The following ZDHHC17 variants were observed in gnomAD, a reference collection of about 807,000 sequenced individuals.
ZDHHC17 encodes palmitoyltransferase ZDHHC17.
ZDHHC17 carries 40 observed loss-of-function variants against 90.3 expected under a neutral mutation model. The ratio of observed to expected loss-of-function variants is 0.44; its 90% CI spans 0.34 to 0.58. The LOEUF (loss-of-function observed/expected upper bound fraction) is 0.58, where lower values mean the gene tolerates loss of function less well. ZDHHC17 is among the 20% of genes least tolerant of loss of function. The probability of loss-of-function intolerance (pLI) is 0.01; values close to 1 mark genes in which losing one functional copy is unlikely to be tolerated. For missense variants in ZDHHC17, 614 were observed against 780.8 expected (o/e 0.79, Z 2.55); for synonymous variants, 235 against 252.4 (o/e 0.93, Z 0.65).
intron 1 of ZDHHC17, among the ~76,000 whole-genome samples, chr12:76,783,305 C>T (rs530735255): frequency 6.6e-6 from 1 of 152,348 alleles, no homozygotes; most frequent in East Asian, 1.9e-4. Context: ...TTAATTGACT[C>T]ACAGTGCCAC....
At chr12:76,845,463 A>C (rs997612064) in intron 12 of ZDHHC17, 1 of 218,030 alleles carries the variant, frequency 4.6e-6, no homozygotes, top group Admixed American at 5.7e-5. Context: ...TTGTAAATTG[A>C]TGGTTCAGTT....
chr12:76,764,795 A>C, intron 1 of ZDHHC17: 1 of 457,438 alleles, frequency 2.2e-6, no homozygotes, highest in South Asian at 1.5e-5. Flanking sequence ...TTTCATGGGC[A>C]TAGTGATGTC....
chr12:76,781,536 G>C, intron 1 of ZDHHC17: 1 of 444,150 alleles, frequency 2.3e-6, no homozygotes, highest in South Asian at 1.6e-5. Flanking sequence ...TGTTACTCGA[G>C]AGTGGGTGGT....
intron 12 of ZDHHC17, among the ~76,000 whole-genome samples, chr12:76,843,563 A>G (rs983766815): frequency 2.0e-5 from 3 of 152,096 alleles, no homozygotes; most frequent in African/African-American, 7.2e-5. Context: ...TAATAGAGTC[A>G]GGTATAGCAC....
intron 1 of ZDHHC17, among the ~76,000 whole-genome samples, chr12:76,787,224 G>A (rs898919671): frequency 3.3e-5 from 5 of 152,266 alleles, no homozygotes; most frequent in African/African-American, 1.2e-4. Flanking sequence ...GGGAGGTCAA[G>A]GGGAAGAGTG....
chr12:76,847,157 G>T (rs934825461), intron 14 of ZDHHC17, among the ~76,000 whole-genome samples: 9 of 152,204 alleles, frequency 5.9e-5, no homozygotes, highest in African/African-American at 2.2e-4. Flanking sequence ...ACCTTTTTAA[G>T]AATAAGTTGT....
intron 5 of ZDHHC17, among the ~76,000 whole-genome samples, chr12:76,814,654 CT>C (rs1371541388): frequency 7.9e-5 from 12 of 151,802 alleles, no homozygotes; most frequent in Non-Finnish European, 1.6e-4. Flanking sequence ...AGGGGGATTG[CT>C]TTAGTGTGTT....
At position 76,764,175 on chromosome 12, in the gene ZDHHC17, T is replaced by TCGCCCC; in HGVS notation, c.-61_-56dup. On this transcript the variant is annotated 5_prime_UTR_variant, in exon 1 of 17. Transcript: ENST00000426126. ...GCGTCGCCTCCGGCGGGGCTCGCGC[T>TCGCCCC]CGCCCCGCGCTCGCCCTCCGCCTCG... The TCGCCCC allele has an allele frequency of 2.6e-6, 3 of 1,136,806 alleles. No individual in the cohort carries two copies. The highest frequency in any genetic ancestry group is 3.6e-6 in the Non-Finnish European group (3 of 830,396). 70.4% of individuals were successfully genotyped at this position (1,136,806 alleles called of 1,614,324 possible). A position where few individuals can be genotyped will look rare whatever the true frequency, so the allele number is the denominator to read the frequency against.
At chr12:76,848,922 C>T (rs927833954) in intron 15 of ZDHHC17, among the ~76,000 whole-genome samples, 3 of 151,770 alleles carry the variant, frequency 2.0e-5, no homozygotes, top group African/African-American at 7.3e-5. Context: ...CAAAAACAGA[C>T]TTCATTGTTT....
intron 7 of ZDHHC17, among the ~76,000 whole-genome samples, chr12:76,819,390 G>A (rs922592303): frequency 6.6e-6 from 1 of 152,070 alleles, no homozygotes; most frequent in African/African-American, 2.4e-5. Flanking sequence ...CCATTTTTAA[G>A]TCTTAAGAAA....
Position 76,769,375 on chromosome 12 carries a change from A to C in ZDHHC17, c.93+5046A>C, listed in dbSNP as rs770640878. On this transcript the variant is annotated intron_variant, in intron 1 of 16. Transcript: ENST00000426126. ...ATGCTCGGCCATGAAGCTGTTCTTT[A>C]GTGAAAAGAATTTTGCCATTTTCTA... is the stretch of plus-strand genomic sequence containing the variant. Among the ~76,000 whole-genome samples, 7 of 152,112 alleles carry C rather than the reference A, an allele frequency of 4.6e-5. No homozygotes were observed. The South Asian group carries it at 1.4e-3, about 31-fold the overall frequency.
chr12:76,839,391 G>C (rs1953405501), intron 10 of ZDHHC17, among the ~76,000 whole-genome samples: 1 of 152,074 alleles, frequency 6.6e-6, no homozygotes, highest in Non-Finnish European at 1.5e-5. Context: ...TGATACATGT[G>C]GTCTGTCTCC....
intron 7 of ZDHHC17, among the ~76,000 whole-genome samples, chr12:76,819,993 TAA>T (rs71085459): frequency 0.59 from 82,401 of 140,670 alleles, 23,475 homozygotes; most frequent in East Asian, 0.67. Flanking sequence ...AACTATGTCT[TAA>T]AAAAAAAAAA....
intron 1 of ZDHHC17, among the ~76,000 whole-genome samples, chr12:76,793,908 CAG>C (rs1232044672): frequency 8.5e-5 from 13 of 152,170 alleles, no homozygotes; most frequent in South Asian, 2.1e-4. Flanking sequence ...TTTTTTGAGA[CAG>C]AGTCTCACTC....
chr12:76,790,249 C>T (rs895848073), intron 1 of ZDHHC17, among the ~76,000 whole-genome samples: 1 of 152,068 alleles, frequency 6.6e-6, no homozygotes, highest in Non-Finnish European at 1.5e-5. Flanking sequence ...CACCTGTAAT[C>T]CCATCACTTT....
chr12:76,768,744 G>T (rs1227836492), intron 1 of ZDHHC17, among the ~76,000 whole-genome samples: 1 of 152,098 alleles, frequency 6.6e-6, no homozygotes, highest in Non-Finnish European at 1.5e-5. Context: ...TCAGCTCTTT[G>T]ATAGAATGAG....
chr12:76,786,170 G>A (rs1487821904), intron 1 of ZDHHC17, among the ~76,000 whole-genome samples: 1 of 151,140 alleles, frequency 6.6e-6, no homozygotes, highest in Non-Finnish European at 1.5e-5. Flanking sequence ...GCCCAGGAGT[G>A]CAGTGGTGTG....
At chr12:76,788,450 T>G (rs940652834) in intron 1 of ZDHHC17, among the ~76,000 whole-genome samples, 1 of 152,174 alleles carries the variant, frequency 6.6e-6, no homozygotes, top group African/African-American at 2.4e-5. Flanking sequence ...AGGAAAAGAT[T>G]AATACATGTG....
intron 1 of ZDHHC17, among the ~76,000 whole-genome samples, chr12:76,775,282 G>A (rs756630649): frequency 6.6e-6 from 1 of 152,122 alleles, no homozygotes; most frequent in African/African-American, 2.4e-5. Context: ...TGGAATGTGT[G>A]TCAGTGGCTT....
Sources: gnomAD v4.1 joint callset for allele counts (sites outside exome capture counted in the v4.1 genomes callset) on GRCh38, gnomAD v4.1.1 for gene constraint, MANE v1.5 for transcripts, NCBI Gene and HGNC (gene_info 2026-07-23, HGNC 2026-07-21) for gene names.